HPD: variants seen among roughly 807,000 people sequenced by gnomAD.
The protein encoded by HPD is 4-hydroxyphenylpyruvic acid oxidase.
HPD carries 35 observed loss-of-function variants against 56.9 expected under a neutral mutation model. The observed-to-expected ratio is 0.62, with a 90% CI of 0.47 to 0.82. The LOEUF is 0.82. Among genes scored for constraint, HPD ranks in the 40% least tolerant of loss-of-function variants. The probability of loss-of-function intolerance (pLI) is 0.00; values close to 1 mark genes in which losing one functional copy is unlikely to be tolerated. For missense variants in HPD, 442 were observed against 506.8 expected (o/e 0.87, Z 1.23); for synonymous variants, 186 against 200.2 (o/e 0.93, Z 0.60).
chr12:121,846,071 G>A (rs1189641947), intron 11 of HPD, among the ~76,000 whole-genome samples: 1 of 151,986 alleles, frequency 6.6e-6, no homozygotes, highest in Admixed American at 6.6e-5. Flanking sequence ...GGTTAATTTT[G>A]TTTACTTTTT....
At chr12:121,851,687 A>ATTAT (rs1877778845) in intron 7 of HPD, among the ~76,000 whole-genome samples, 2 of 92,400 alleles carry the variant, frequency 2.2e-5, no homozygotes, top group Admixed American at 1.1e-4. Context: ...TTATTCATTT[A>ATTAT]TTTATTTATT....
At chr12:121,866,715 G>A (rs1390346959), upstream of HPD, among the ~76,000 whole-genome samples, 1 of 151,988 alleles carries the variant, frequency 6.6e-6, no homozygotes, top group Non-Finnish European at 1.5e-5. Flanking sequence ...TTAAGATTTT[G>A]TAAATATGGC....
chr12:121,872,016 A>G, the HPD span, among the ~76,000 whole-genome samples: 2 of 150,156 alleles, frequency 1.3e-5, no homozygotes, highest in African/African-American at 2.4e-5. Flanking sequence ...GTGGATCACA[A>G]GGTCAGGAGT....
intron 4 of HPD, chr12:121,857,019 G>A (rs1566574349): frequency 1.2e-5 from 6 of 498,552 alleles, no homozygotes; most frequent in South Asian, 2.1e-5. Context: ...AGATGCCAGC[G>A]GAGGGGTCGG....
upstream of HPD, among the ~76,000 whole-genome samples, chr12:121,864,151 C>T (rs1878259134): frequency 6.7e-6 from 1 of 149,818 alleles, no homozygotes; most frequent in Non-Finnish European, 1.5e-5. Flanking sequence ...GAGGCTGAGG[C>T]AGGAGAATCA....
upstream of HPD, among the ~76,000 whole-genome samples, chr12:121,867,988 A>G (rs1212796441): frequency 9.9e-5 from 15 of 152,102 alleles, no homozygotes; most frequent in East Asian, 1.9e-3. Flanking sequence ...GTTTCTCTCT[A>G]TTGCTGAGCA....
chr12:121,848,182 G>A (rs931035160), intron 9 of HPD, among the ~76,000 whole-genome samples: 1 of 152,042 alleles, frequency 6.6e-6, no homozygotes, highest in African/African-American at 2.4e-5. Context: ...AGGGCCTGTG[G>A]GTCGCTTTGG....
chr12:121,841,200 C>CAAA (rs35849071), intron 12 of HPD, among the ~76,000 whole-genome samples: 63 of 89,400 alleles, frequency 7.0e-4, no homozygotes, highest in African/African-American at 2.2e-3. Flanking sequence ...GACTCTGTCT[C>CAAA]AAAAAAAAAA....
rs1051710355 is a variant in HPD at position 121,847,548 on chromosome 12, G to GT, written c.597-335dup. 8.6e-5 allele frequency among the ~76,000 whole-genome samples: 13 copies of GT among 151,946 alleles called. No individual in the cohort carries two copies. The East Asian group carries it at 9.7e-4, about 11-fold the overall frequency. On this transcript the variant is annotated intron_variant, in intron 9 of 13. Coordinates refer to ENST00000289004, the MANE Select transcript of HPD (RefSeq NM_002150.3). ...TAATTTTGGGGTATTTTTATTTTTTGTTTTTTGAGACGGAGTTTCGCTCTT... is the reference window on the plus strand; with the variant it reads ...TAATTTTGGGGTATTTTTATTTTTTGTTTTTTTGAGACGGAGTTTCGCTCTT...
chr12:121,876,565 A>G, the HPD span, among the ~76,000 whole-genome samples: 1 of 152,064 alleles, frequency 6.6e-6, no homozygotes, highest in Non-Finnish European at 1.5e-5. Flanking sequence ...GCATAAGCGG[A>G]GGGTAAGGTT....
At chr12:121,879,900 A>G in the HPD span, among the ~76,000 whole-genome samples, 3 of 152,162 alleles carry the variant, frequency 2.0e-5, no homozygotes, top group Non-Finnish European at 4.4e-5. Flanking sequence ...CTGTAATCCC[A>G]GCACTTTGGG....
upstream of HPD, among the ~76,000 whole-genome samples, chr12:121,864,073 CAAAAAAAA>C (rs748278452): frequency 2.2e-4 from 16 of 71,346 alleles, no homozygotes; most frequent in African/African-American, 7.8e-4. Flanking sequence ...ACTAAAAATA[CAAAAAAAA>C]AAAAAAAAAA....
chr12:121,854,557 C>T (rs1157711769), intron 7 of HPD, 146 bp downstream of exon 7: 3 of 741,068 alleles, frequency 4.0e-6, no homozygotes, highest in Non-Finnish European at 7.4e-6. Context: ...CGTACACTGG[C>T]CAGGCAATAC....
chr12:121,870,597 T>G, the HPD span, among the ~76,000 whole-genome samples: 3 of 147,144 alleles, frequency 2.0e-5, no homozygotes, highest in Non-Finnish European at 4.5e-5. Flanking sequence ...TATTGAAGGT[T>G]TTTTTTTTTT....
At chr12:121,865,333 G>GCA (rs1339205057), upstream of HPD, among the ~76,000 whole-genome samples, 24 of 151,476 alleles carry the variant, frequency 1.6e-4, no homozygotes, top group African/African-American at 5.3e-4. Context: ...GCACTGGCAT[G>GCA]ATCTCAGCTT....
intron 6 of HPD, among the ~76,000 whole-genome samples, chr12:121,855,904 A>G (rs73413792): frequency 0.042 from 5,960 of 142,264 alleles, 378 homozygotes; most frequent in African/African-American, 0.15. Flanking sequence ...CAGGAGGCAG[A>G]AGTTGCGGTG....
upstream of HPD, among the ~76,000 whole-genome samples, chr12:121,868,006 A>G (rs1878369777): frequency 6.6e-6 from 1 of 152,082 alleles, no homozygotes; most frequent in Non-Finnish European, 1.5e-5. Flanking sequence ...GCAGTGTTTC[A>G]TTGTATGCTT....
At chr12:121,871,544 G>T in the HPD span, among the ~76,000 whole-genome samples, 2 of 152,182 alleles carry the variant, frequency 1.3e-5, no homozygotes, top group Non-Finnish European at 2.9e-5. Context: ...AAGGGCAGCT[G>T]GGACCAGAGC....
At chr12:121,851,699 ATT>A (rs1284294966) in intron 7 of HPD, among the ~76,000 whole-genome samples, 1,432 of 11,730 alleles carry the variant, frequency 0.12, 100 homozygotes, top group African/African-American at 0.32. Flanking sequence ...TTATTTATTT[ATT>A]TTTTTTTTTT....
Sources: allele counts gnomAD v4.1 joint callset (sites outside exome capture counted in the v4.1 genomes callset), GRCh38; gene constraint gnomAD v4.1.1; transcripts MANE v1.5; gene names NCBI Gene and HGNC (gene_info 2026-07-23, HGNC 2026-07-21).